Variants in EEF1A2 observed in about 807,000 individuals in gnomAD.
EEF1A2 encodes eukaryotic translation elongation factor 1 alpha 2.
EEF1A2 carries 5 observed loss-of-function variants against 39.3 expected under a neutral mutation model. That is an observed-to-expected ratio of 0.13 (90% confidence interval 0.07 to 0.27). EEF1A2 has a LOEUF of 0.27. EEF1A2 is among the 10% of genes least tolerant of loss of function. EEF1A2 has a pLI of 1.00. For synonymous variants in EEF1A2, 287 were observed against 293.7 expected (o/e 0.98, Z 0.23); for missense variants, 218 against 681.4 (o/e 0.32, Z 7.57).
Position 63,489,157 on chromosome 20 carries a change from G to A in EEF1A2, c.1030-5C>T, listed in dbSNP as rs1428414395. ...CGGGTGGTTCAGGATGATGACCTGC[G>A]AGCGGAGCCACAGGCGGCCATCAGG... On this transcript the variant is annotated splice_polypyrimidine_tract_variant and splice_region_variant and intron_variant, in intron 6 of 7. Transcript: ENST00000217182. 8.1e-6 allele frequency: 13 copies of A among 1,610,762 alleles called. No homozygotes were observed. The highest frequency in any genetic ancestry group is 1.7e-5 in the Admixed American group (1 of 59,954).
chr20:63,493,110 G>A (rs1267779202), intron 5 of EEF1A2, 27 bp downstream of exon 5: 1 of 1,542,270 alleles, frequency 6.5e-7, no homozygotes, highest in East Asian at 2.5e-5. Context: ...GGCCAGGCAG[G>A]AGCTCCAGCA....
At chr20:63,496,237 C>T (rs1008911595) in intron 2 of EEF1A2, 17 of 620,126 alleles carry the variant, frequency 2.7e-5, no homozygotes, top group Middle Eastern at 4.3e-4. Flanking sequence ...GGCCGGCCTC[C>T]GCACCTGCTC....
intron 5 of EEF1A2, among the ~76,000 whole-genome samples, 192 bp downstream of exon 5, chr20:63,492,945 G>T (rs570786095): frequency 2.0e-3 from 280 of 141,498 alleles, no homozygotes; most frequent in African/African-American, 7.0e-3. Flanking sequence ...TGGGTGGATG[G>T]ATGGACAGAG....
Position 63,498,074 on chromosome 20 carries a change from G to C in EEF1A2, c.-71-240C>G, listed in dbSNP as rs540122641. The C allele has an allele frequency of 2.2e-5, 6 of 271,488 alleles. No homozygotes were observed. Among genetic ancestry groups the C allele is most frequent in the Non-Finnish European group, 4.2e-5 (6 of 143,724 alleles). 16.8% of individuals were successfully genotyped at this position (271,488 alleles called of 1,614,324 possible). On this transcript the variant is annotated intron_variant, in intron 1 of 7. Coordinates refer to ENST00000217182, the MANE Select transcript of EEF1A2 (RefSeq NM_001958.5). The surrounding 1 kb of genome is among the most constrained non-coding windows in gnomAD (Gnocchi z 4.1). ...CCCCATCTGCTGTAAATAACTGGGC[G>C]TTGGAGCCCGCGGGCTGCTCCTTGG...
chr20:63,491,764 T>G (rs200213406), intron 5 of EEF1A2, among the ~76,000 whole-genome samples: 33 of 86,078 alleles, frequency 3.8e-4, no homozygotes, highest in African/African-American at 6.0e-4. Context: ...ATGGATGGAT[T>G]GGTGGATGGA....
chr20:63,492,104 AGATG>A (rs1294998878), intron 5 of EEF1A2, among the ~76,000 whole-genome samples: 9 of 51,356 alleles, frequency 1.8e-4, no homozygotes, highest in African/African-American at 7.7e-4. Flanking sequence ...GTGGATGGGG[AGATG>A]GATGGATGGA....
intron 3 of EEF1A2, 79 bp from the exon 4 acceptor site, chr20:63,495,180 C>CA: frequency 6.5e-7 from 1 of 1,538,922 alleles, no homozygotes; most frequent in South Asian, 1.2e-5. Flanking sequence ...ACCTCACTTC[C>CA]AGGCCTCTCC....
At chr20:63,488,654 G>A (rs1220936478) in intron 7 of EEF1A2, among the ~76,000 whole-genome samples, 1 of 152,228 alleles carries the variant, frequency 6.6e-6, no homozygotes, top group Non-Finnish European at 1.5e-5. Context: ...GCTGCCACTG[G>A]GCGACCGCGG....
At chr20:63,489,220 G>C in intron 6 of EEF1A2, 68 bp from the exon 7 acceptor site, 1 of 1,500,338 alleles carries the variant, frequency 6.7e-7, no homozygotes, top group Non-Finnish European at 9.0e-7. Flanking sequence ...GCCAGAGCGG[G>C]GCTGGGAGGC....
At chr20:63,488,477 CA>C (rs1251792944) in intron 7 of EEF1A2, 52 bp from the exon 8 acceptor site, 2 of 1,359,432 alleles carry the variant, frequency 1.5e-6, no homozygotes, top group Non-Finnish European at 1.9e-6. Context: ...TGACCCCCCC[CA>C]ACCCCAGGGC....
Position 63,490,632 on chromosome 20 carries a change from C to T in EEF1A2, c.876G>A (p.Val292=), listed in dbSNP as rs112732285. 18 of 1,612,718 alleles carry T rather than the reference C, an allele frequency of 1.1e-5. 1 individual carries two copies. The African/African-American group carries it at 2.0e-4, about 18-fold the overall frequency. The change falls in exon 6 of 8, where the codon GTG becomes GTA. Residue 292 remains valine (V), a synonymous_variant. Transcript: ENST00000217182. ...PVNITTEVKS[V]EMHHEALSEA... is the part of the protein sequence containing the mutation. ...CGCTCAGAGCCTCGTGGTGCATCTC[C>T]ACTGACTTCACCTCAGTGGTGATGT...
rs1241119799 is a variant in EEF1A2, at chr20:63,497,035, C to T, written c.144+585G>A. ...GGGGGATGGGGATCAGAGAGCAGAC[C>T]CCGTCTCATGACCGCTCCCCACCAC... On this transcript the variant is annotated intron_variant, in intron 2 of 7. Transcript: ENST00000217182. This position sits in a 1 kb window ranked among gnomAD's most constrained non-coding sequence, Gnocchi z 7.3. 3 of 152,588 alleles carry T rather than the reference C, an allele frequency of 2.0e-5. No individual in the cohort carries two copies. The highest frequency in any genetic ancestry group is 1.9e-4 in the East Asian group (1 of 5,184). The allele number at this position is 152,588 out of a possible 1,614,324, so 9.5% of individuals were successfully genotyped here. A position where few individuals can be genotyped will look rare whatever the true frequency, so the allele number is the denominator to read the frequency against.
chr20:63,489,624 A>G (rs1250030783), intron 6 of EEF1A2, among the ~76,000 whole-genome samples: 1 of 152,164 alleles, frequency 6.6e-6, no homozygotes, highest in Non-Finnish European at 1.5e-5. Context: ...ATCTACTAAT[A>G]ATACAAAAAT....
intron 4 of EEF1A2, among the ~76,000 whole-genome samples, chr20:63,494,241 C>T (rs551071859): frequency 2.3e-4 from 35 of 152,358 alleles, no homozygotes; most frequent in African/African-American, 6.7e-4. Context: ...TGTCTCCACG[C>T]GTCACCTCCA....
chr20:63,493,393 G>C (rs1222654591), intron 4 of EEF1A2, 106 bp from the exon 5 acceptor site: 2 of 1,329,266 alleles, frequency 1.5e-6, no homozygotes, highest in East Asian at 5.7e-5. Context: ...GGCTAAACTT[G>C]CCTCGTGCCC....
intron 5 of EEF1A2, among the ~76,000 whole-genome samples, chr20:63,492,305 A>G (rs1172754367): frequency 4.2e-3 from 413 of 97,324 alleles, no homozygotes; most frequent in Middle Eastern, 0.021. Flanking sequence ...TAGGTGGGTG[A>G]GTGGATGAAT....
intron 5 of EEF1A2, among the ~76,000 whole-genome samples, chr20:63,492,555 G>A (rs1285746532): frequency 8.9e-5 from 1 of 11,206 alleles, no homozygotes; most frequent in Non-Finnish European, 1.9e-4. Flanking sequence ...GATGGATAGA[G>A]AGAAGGATGG....
intron 4 of EEF1A2, among the ~76,000 whole-genome samples, chr20:63,494,478 C>T (rs905838424): frequency 2.0e-5 from 3 of 152,246 alleles, no homozygotes; most frequent in Admixed American, 1.3e-4. Flanking sequence ...AGAGATGAAA[C>T]CGACCGCCCC....
intron 5 of EEF1A2, among the ~76,000 whole-genome samples, chr20:63,491,326 A>G: frequency 6.6e-6 from 1 of 152,152 alleles, no homozygotes; most frequent in East Asian, 1.9e-4. Flanking sequence ...CGTCCCTGGC[A>G]TTTCTCATGG....
Sources: gnomAD v4.1 joint callset for allele counts (sites outside exome capture counted in the v4.1 genomes callset) on GRCh38, gnomAD v4.1.1 for gene constraint, Gnocchi (gnomAD v3.1) non-coding constraint, MANE v1.5 for transcripts, NCBI Gene and HGNC (gene_info 2026-07-23, HGNC 2026-07-21) for gene names.